The following PSAT1 variants were observed in gnomAD, a reference collection of about 807,000 sequenced individuals.
PSAT1 encodes phosphoserine aminotransferase 1, also known as phosphoserine aminotransferase.
In PSAT1, 41 loss-of-function variants were observed where a neutral mutation model predicts 40.3. The observed-to-expected ratio is 1.02, with a 90% CI of 0.79 to 1.32. The LOEUF (loss-of-function observed/expected upper bound fraction) is 1.32, where lower values mean the gene tolerates loss of function less well. PSAT1 is among the 40% of genes most tolerant of loss of function. The pLI, the probability that PSAT1 is intolerant of heterozygous loss-of-function variation, is 0.00. For missense variants in PSAT1, 406 were observed against 455.8 expected (o/e 0.89, Z 0.99); for synonymous variants, 147 against 170.5 (o/e 0.86, Z 1.07).
At chr9:78,313,428 CAG>C (rs61329448) in intron 6 of PSAT1, among the ~76,000 whole-genome samples, 3,063 of 152,218 alleles carry the variant, frequency 0.02, 52 homozygotes, top group South Asian at 0.045. Flanking sequence ...TGCAGGTGGG[CAG>C]AGTCACCAGG....
rs1587632318 is a variant in PSAT1 at position 78,300,502 on chromosome 9, C to T, written c.61-100C>T. The T allele has an allele frequency of 4.8e-6, 7 of 1,467,824 alleles. No individual in the cohort carries two copies. In the East Asian group the frequency reaches 1.8e-4, roughly 38 times the overall value. 90.9% of individuals were successfully genotyped at this position (1,467,824 alleles called of 1,614,324 possible). ...TGGGGATGGAAGCCTGGGGACCTCA[C>T]TGTAGACCCTTCCTTGTCCCCTCGT... On this transcript the variant is annotated intron_variant, in intron 1 of 8. Coordinates refer to ENST00000376588, the MANE Select transcript of PSAT1 (RefSeq NM_058179.4).
At chr9:78,307,933 G>T (rs1399187843) in intron 5 of PSAT1, among the ~76,000 whole-genome samples, 1 of 152,086 alleles carries the variant, frequency 6.6e-6, no homozygotes, top group Non-Finnish European at 1.5e-5. Flanking sequence ...CAGCTACTCG[G>T]CAGGCTGAGG....
chr9:78,305,029 C>A, intron 4 of PSAT1, 89 bp downstream of exon 4: 1 of 1,197,956 alleles, frequency 8.3e-7, no homozygotes, highest in Non-Finnish European at 1.2e-6. Context: ...ATTATTTTCT[C>A]CCCTTGACAG....
intron 6 of PSAT1, among the ~76,000 whole-genome samples, chr9:78,317,087 A>G (rs962548090): frequency 4.6e-5 from 7 of 152,200 alleles, no homozygotes; most frequent in African/African-American, 7.2e-5. Context: ...AAGAGTTTAC[A>G]TTAGGGCTTA....
chr9:78,297,338 TC>T, intron 1 of PSAT1, 68 bp downstream of exon 1: 1 of 1,514,250 alleles, frequency 6.6e-7, no homozygotes, highest in Non-Finnish European at 8.9e-7. Flanking sequence ...TGGGTTTGCA[TC>T]CCTGCGTGTG....
At chr9:78,315,575 C>T (rs1828331788) in intron 6 of PSAT1, among the ~76,000 whole-genome samples, 2 of 152,208 alleles carry the variant, frequency 1.3e-5, no homozygotes, top group Admixed American at 1.3e-4. Context: ...TCCCTTTCTG[C>T]CAGCAGCCAC....
chr9:78,316,935 C>T (rs1828353842), intron 6 of PSAT1, among the ~76,000 whole-genome samples: 1 of 151,582 alleles, frequency 6.6e-6, no homozygotes, highest in Non-Finnish European at 1.5e-5. Context: ...CTTAAAAGAG[C>T]AAGTGGAAAA....
intron 6 of PSAT1, among the ~76,000 whole-genome samples, chr9:78,316,571 A>G (rs933826635): frequency 6.6e-6 from 1 of 152,202 alleles, no homozygotes; most frequent in Non-Finnish European, 1.5e-5. Context: ...GTTAGGTCCT[A>G]TGCCGAACTC....
At chr9:78,300,805 T>A in intron 2 of PSAT1, 143 bp downstream of exon 2, 1 of 1,342,558 alleles carries the variant, frequency 7.4e-7, no homozygotes, top group Non-Finnish European at 9.6e-7. Context: ...AGCCTCCAAC[T>A]CCTGGGCTCA....
At chr9:78,313,220 C>T (rs939467821) in intron 6 of PSAT1, among the ~76,000 whole-genome samples, 4 of 151,916 alleles carry the variant, frequency 2.6e-5, no homozygotes, top group African/African-American at 9.7e-5. Context: ...ACAAAAATTA[C>T]CCGGGCGTAG....
chr9:78,301,453 C>G (rs939757363), intron 2 of PSAT1, among the ~76,000 whole-genome samples: 1 of 152,156 alleles, frequency 6.6e-6, no homozygotes, highest in South Asian at 2.1e-4. Context: ...CATTCTAAAA[C>G]TTATTTTCTT....
intron 8 of PSAT1, among the ~76,000 whole-genome samples, 160 bp from the exon 9 acceptor site, chr9:78,328,821 C>T (rs28702747): frequency 0.027 from 4,117 of 152,178 alleles, 251 homozygotes; most frequent in East Asian, 0.27. Context: ...ATGACTGAGA[C>T]GTGTGAAGCT....
intron 1 of PSAT1, among the ~76,000 whole-genome samples, chr9:78,297,917 C>T (rs1204281605): frequency 6.6e-6 from 1 of 152,164 alleles, no homozygotes; most frequent in Non-Finnish European, 1.5e-5. Flanking sequence ...GCTTTCCCCT[C>T]CTTGTCCCCC....
intron 7 of PSAT1, 93 bp from the exon 8 acceptor site, chr9:78,327,958 C>A: frequency 7.4e-7 from 1 of 1,358,624 alleles, no homozygotes. Flanking sequence ...CTGCTTGCAT[C>A]TAGGAAGTGT....
At chr9:78,324,677 G>C (rs978649013) in intron 7 of PSAT1, among the ~76,000 whole-genome samples, 6 of 152,050 alleles carry the variant, frequency 3.9e-5, no homozygotes, top group African/African-American at 1.4e-4. Context: ...TAGAGATCTG[G>C]TTTCTTATTC....
intron 5 of PSAT1, 101 bp downstream of exon 5, chr9:78,306,587 C>T: frequency 6.9e-7 from 1 of 1,439,060 alleles, no homozygotes; most frequent in Non-Finnish European, 9.8e-7. Context: ...TGTTTGAGGC[C>T]TGCAGAACCC....
intron 7 of PSAT1, 78 bp from the exon 8 acceptor site, chr9:78,327,972 GA>G (rs996687136): frequency 3.6e-5 from 54 of 1,491,332 alleles, no homozygotes; most frequent in South Asian, 1.6e-4. Context: ...GAAGTGTTAA[GA>G]AAAAAAAATC....
At chr9:78,308,147 G>A (rs533641205) in intron 5 of PSAT1, among the ~76,000 whole-genome samples, 9 of 152,322 alleles carry the variant, frequency 5.9e-5, no homozygotes, top group East Asian at 3.9e-4. Flanking sequence ...CAGAGCGAAT[G>A]TGAATATGTG....
At chr9:78,300,452 GGGAA>G in intron 1 of PSAT1, 146 bp from the exon 2 acceptor site, 3 of 969,052 alleles carry the variant, frequency 3.1e-6, no homozygotes, top group African/African-American at 1.7e-5. Flanking sequence ...TTGTGGACAT[GGGAA>G]GGAAGGAGAC....
Sources: allele counts gnomAD v4.1 joint callset (sites outside exome capture counted in the v4.1 genomes callset), GRCh38; gene constraint gnomAD v4.1.1; transcripts MANE v1.5; gene names NCBI Gene and HGNC (gene_info 2026-07-23, HGNC 2026-07-21).